Variants in SMCP observed in about 807,000 individuals in gnomAD.
The protein encoded by SMCP is sperm mitochondrial-associated cysteine-rich protein.
For missense variants in SMCP, 137 were observed against 137.1 expected, an observed-to-expected ratio of 1.00 and a Z score of 0.01; for synonymous variants, 41 against 46.9, an observed-to-expected ratio of 0.87 and a Z score of 0.51.
At position 152,884,304 on chromosome 1, in the gene SMCP, A is replaced by G. The variant is rs1016502041; in HGVS notation, c.-20-99A>G. The stretch of plus-strand genomic sequence containing the variant: ...TGCTTTCTCAACCCTGGTCTGAGTC[A>G]TTATCCTGAAGATGGATGTATTTGG... On this transcript the variant is annotated intron_variant, in intron 1 of 1. Transcript: ENST00000368765. 8.5e-6 allele frequency: 9 copies of G among 1,063,188 alleles called. No homozygotes were observed. The South Asian group carries it at 9.5e-5, about 11-fold the overall frequency. The allele number at this position is 1,063,188 out of a possible 1,614,324, so 65.9% of individuals were successfully genotyped here.
chr1:152,881,362 T>G (rs896514492), intron 1 of SMCP, among the ~76,000 whole-genome samples: 3 of 152,102 alleles, frequency 2.0e-5, no homozygotes, highest in Non-Finnish European at 4.4e-5. Context: ...TTTGTCCTAC[T>G]GGGGTGGATT....
chr1:152,883,786 A>G (rs777338516), intron 1 of SMCP, among the ~76,000 whole-genome samples: 1 of 152,212 alleles, frequency 6.6e-6, no homozygotes, highest in Non-Finnish European at 1.5e-5. Flanking sequence ...TTTTCATTTC[A>G]TCTTGCTGTA....
At position 152,884,451 on chromosome 1, in the gene SMCP, G is replaced by C; in HGVS notation, c.29G>C (p.Cys10Ser). Residue 10 changes from cysteine to serine, a missense_variant, in exon 2 of 2, where the codon TGC becomes TCC. Transcript: ENST00000368765. MCDQTKHSK[C>S]CPAKGNQCCP... ...TGTGACCAGACAAAACACAGTAAAT[G>C]CTGCCCAGCAAAAGGCAATCAATGC... 1 of 1,614,180 alleles carries C rather than the reference G, an allele frequency of 6.2e-7. No homozygotes were observed. Among genetic ancestry groups the C allele is most frequent in the Non-Finnish European group, 8.5e-7 (1 of 1,180,048 alleles).
rs775401293 is a variant in SMCP, at chr1:152,884,609, C to T, written c.187C>T (p.Pro63Ser). ...PKHNHCCQPK[P>S]PCCIQARCCG... The stretch of plus-strand genomic sequence containing the variant: ...ACACAATCACTGCTGCCAGCCAAAA[C>T]CCCCATGCTGCATTCAGGCCAGGTG... Residue 63 changes from proline to serine, a missense_variant, in exon 2 of 2, where the codon CCC (proline) becomes TCC (serine). Transcript: ENST00000368765. 1 of 1,614,148 alleles carries T rather than the reference C, an allele frequency of 6.2e-7. No homozygotes were observed. The highest frequency in any genetic ancestry group is 1.7e-5 in the Admixed American group (1 of 60,020).
At position 152,884,887 on chromosome 1, in the gene SMCP, G is replaced by A; in HGVS notation, c.*114G>A. 2.2e-6 allele frequency: 2 copies of A among 911,738 alleles called. No homozygotes were observed. Among genetic ancestry groups the A allele is most frequent in the Non-Finnish European group, 3.3e-6 (2 of 600,764 alleles). 56.5% of individuals were successfully genotyped at this position (911,738 alleles called of 1,614,324 possible). On this transcript the variant is annotated 3_prime_UTR_variant, in exon 2 of 2. Transcript: ENST00000368765. ...TGTGTTTAGAGAAGCAGTTTTCACAGTGACTACCATTTCCACCCAATGAGA... is the reference window on the plus strand; with the variant it reads ...TGTGTTTAGAGAAGCAGTTTTCACAATGACTACCATTTCCACCCAATGAGA...
intron 1 of SMCP, 71 bp downstream of exon 1, chr1:152,878,517 G>A (rs1013538770): frequency 2.6e-5 from 4 of 152,552 alleles, no homozygotes; most frequent in African/African-American, 7.2e-5. Flanking sequence ...AGTTCATTAC[G>A]TATTTACCTA....
At chr1:152,883,619 C>T (rs566432552) in intron 1 of SMCP, among the ~76,000 whole-genome samples, 1 of 152,300 alleles carries the variant, frequency 6.6e-6, no homozygotes, top group Admixed American at 6.5e-5. Context: ...AGGACACCTA[C>T]CAGGTCCAGT....
At chr1:152,878,706 G>C (rs1053451550) in intron 1 of SMCP, among the ~76,000 whole-genome samples, 11 of 152,158 alleles carry the variant, frequency 7.2e-5, no homozygotes, top group East Asian at 1.9e-4. Context: ...AGACAATTGG[G>C]AAAATAATAA....
chr1:152,881,612 C>T (rs1004335272), intron 1 of SMCP, among the ~76,000 whole-genome samples: 10 of 147,074 alleles, frequency 6.8e-5, no homozygotes, highest in East Asian at 2.1e-4. Context: ...GGCGTGAACC[C>T]GGGAAGCGGA....
At chr1:152,883,592 C>A (rs1366396781) in intron 1 of SMCP, among the ~76,000 whole-genome samples, 1 of 152,184 alleles carries the variant, frequency 6.6e-6, no homozygotes, top group Non-Finnish European at 1.5e-5. Context: ...GATAAAACTG[C>A]TGAGTGGTTG....
intron 1 of SMCP, among the ~76,000 whole-genome samples, chr1:152,884,179 T>C (rs1376441951): frequency 2.6e-5 from 4 of 152,216 alleles, no homozygotes; most frequent in Non-Finnish European, 2.9e-5. Flanking sequence ...GGTCTTTTGA[T>C]TCTTTATCTG....
In SMCP at chr1:152,884,920, A is replaced by G. The variant is rs1649172575; in HGVS notation, c.*147A>G. 4 of 698,138 alleles carry G rather than the reference A, an allele frequency of 5.7e-6. No homozygotes were observed. The highest frequency in any genetic ancestry group is 7.3e-6 in the Non-Finnish European group (3 of 412,824). The allele number at this position is 698,138 out of a possible 1,614,324, so 43.2% of individuals were successfully genotyped here. A position where few individuals can be genotyped will look rare whatever the true frequency, so the allele number is the denominator to read the frequency against. On this transcript the variant is annotated 3_prime_UTR_variant, in exon 2 of 2. Coordinates refer to ENST00000368765, the MANE Select transcript of SMCP (RefSeq NM_030663.3). ...CATTTCCACCCAATGAGAGGCTCCTATTTCCCATCATAGCTCCCTACCCTA... is the reference window on the plus strand; with the variant it reads ...CATTTCCACCCAATGAGAGGCTCCTGTTTCCCATCATAGCTCCCTACCCTA...
intron 1 of SMCP, among the ~76,000 whole-genome samples, chr1:152,881,682 G>C (rs373185569): frequency 7.5e-6 from 1 of 133,620 alleles, no homozygotes; most frequent in Non-Finnish European, 1.5e-5. Flanking sequence ...GCGACAGAGC[G>C]AGACTCCGTC....
At chr1:152,883,477 G>A (rs561842263) in intron 1 of SMCP, among the ~76,000 whole-genome samples, 10 of 152,366 alleles carry the variant, frequency 6.6e-5, no homozygotes, top group African/African-American at 2.4e-4. Context: ...GAGGCCCAGG[G>A]ACGTTCCCAG....
intron 1 of SMCP, among the ~76,000 whole-genome samples, chr1:152,881,463 T>C (rs972833713): frequency 2.7e-5 from 4 of 149,840 alleles, no homozygotes; most frequent in Non-Finnish European, 4.4e-5. Flanking sequence ...CCGAGGCGGG[T>C]GGATCATGAG....
chr1:152,882,896 T>C (rs1649099187), intron 1 of SMCP, among the ~76,000 whole-genome samples: 1 of 152,096 alleles, frequency 6.6e-6, no homozygotes, highest in Non-Finnish European at 1.5e-5. Context: ...ATACAAAAAT[T>C]TGCTGGGCGT....
At position 152,884,809 on chromosome 1, in the gene SMCP, G is replaced by A; in HGVS notation, c.*36G>A. ...AGTCAAACAAAGAAGAAGTCCCTGGGGCCATGCCTTTCACTTTGTAGGGTG... is the reference window on the plus strand; with the variant it reads ...AGTCAAACAAAGAAGAAGTCCCTGGAGCCATGCCTTTCACTTTGTAGGGTG... On this transcript the variant is annotated 3_prime_UTR_variant, in exon 2 of 2. Transcript: ENST00000368765. The A allele has an allele frequency of 2.5e-6, 4 of 1,571,408 alleles. No homozygotes were observed. The highest frequency in any genetic ancestry group is 3.5e-6 in the Non-Finnish European group (4 of 1,147,396).
In SMCP at chr1:152,884,389, T is replaced by C. The variant is rs1649146510; in HGVS notation, c.-20-14T>C. 2 of 1,605,874 alleles carry C rather than the reference T, an allele frequency of 1.2e-6. No homozygotes were observed. The highest frequency in any genetic ancestry group is 1.3e-5 in the African/African-American group (1 of 74,550). On this transcript the variant is annotated splice_polypyrimidine_tract_variant and intron_variant, in intron 1 of 1. Coordinates refer to ENST00000368765, the MANE Select transcript of SMCP (RefSeq NM_030663.3). ...AGATTTCCTTCTGATGAGAATATTA[T>C]TTTCTTTTTCTAGTACCTCCAAGTG... is the stretch of plus-strand genomic sequence containing the variant.
At chr1:152,881,659 C>A (rs1279456083) in intron 1 of SMCP, among the ~76,000 whole-genome samples, 1 of 142,424 alleles carries the variant, frequency 7.0e-6, no homozygotes, top group Non-Finnish European at 1.5e-5. Context: ...CTGCAGTCCG[C>A]AGTCCGGCCT....
Sources: allele counts gnomAD v4.1 joint callset (sites outside exome capture counted in the v4.1 genomes callset), GRCh38; gene constraint gnomAD v4.1.1; transcripts MANE v1.5; gene names NCBI Gene and HGNC (gene_info 2026-07-23, HGNC 2026-07-21).